The following GPR39 variants were observed in gnomAD, a reference collection of about 807,000 sequenced individuals.
GPR39 encodes G protein-coupled receptor 39.
GPR39 carries 23 observed loss-of-function variants against 18.4 expected under a neutral mutation model. The ratio of observed to expected loss-of-function variants is 1.25; its 90% CI spans 0.90 to 1.77. GPR39 has a LOEUF of 1.77. Among genes scored for constraint, GPR39 ranks in the 40% most tolerant of loss-of-function variants. The pLI, the probability that GPR39 is intolerant of heterozygous loss-of-function variation, is 0.00. For missense variants in GPR39, 647 were observed against 602.4 expected (o/e 1.07, Z -0.78); for synonymous variants, 280 against 257.9 (o/e 1.09, Z -0.82).
At chr2:132,599,614 A>G (rs1277797140) in intron 1 of GPR39, among the ~76,000 whole-genome samples, 1 of 152,198 alleles carries the variant, frequency 6.6e-6, no homozygotes, top group Non-Finnish European at 1.5e-5. Flanking sequence ...CTGATACTTC[A>G]TCACCAAAAT....
intron 1 of GPR39, among the ~76,000 whole-genome samples, chr2:132,626,427 C>G (rs1342063948): frequency 6.6e-6 from 1 of 152,194 alleles, no homozygotes; most frequent in African/African-American, 2.4e-5. Flanking sequence ...GGCTGCACTA[C>G]AGTGTCCTCT....
At chr2:132,522,758 A>T (rs1679447914) in intron 1 of GPR39, among the ~76,000 whole-genome samples, 1 of 152,224 alleles carries the variant, frequency 6.6e-6, no homozygotes. Context: ...CATCTGGGCC[A>T]GGAAGCAGAG....
chr2:132,557,740 G>A (rs761881718), intron 1 of GPR39, among the ~76,000 whole-genome samples: 2 of 152,032 alleles, frequency 1.3e-5, no homozygotes, highest in East Asian at 1.9e-4. Flanking sequence ...TAGGGTTGTC[G>A]GTTAACTTTA....
chr2:132,595,687 T>A (rs1277481957), intron 1 of GPR39, among the ~76,000 whole-genome samples: 1 of 152,186 alleles, frequency 6.6e-6, no homozygotes, highest in East Asian at 1.9e-4. Context: ...CAGAAGCATT[T>A]ACCCTTCATT....
At chr2:132,524,072 C>T (rs529998358) in intron 1 of GPR39, 6 of 152,762 alleles carry the variant, frequency 3.9e-5, no homozygotes, top group African/African-American at 1.4e-4. Context: ...TTAACCAGCA[C>T]TCTTGTTGAT....
chr2:132,463,924 A>C (rs925429731), intron 1 of GPR39, among the ~76,000 whole-genome samples: 3 of 152,134 alleles, frequency 2.0e-5, no homozygotes, highest in Non-Finnish European at 2.9e-5. Context: ...TGATGTCTTC[A>C]TCCTCTAGGA....
chr2:132,619,270 T>C (rs1255977342), intron 1 of GPR39, among the ~76,000 whole-genome samples: 5 of 152,166 alleles, frequency 3.3e-5, no homozygotes, highest in Admixed American at 2.6e-4. Context: ...TCACAGCAAT[T>C]TGAGGCACTG....
chr2:132,540,370 G>C (rs1558832730), intron 1 of GPR39, among the ~76,000 whole-genome samples: 1 of 152,100 alleles, frequency 6.6e-6, no homozygotes, highest in South Asian at 2.1e-4. Context: ...GAGAGCGACG[G>C]TCAGGAAGGA....
chr2:132,468,785 G>C, intron 1 of GPR39, among the ~76,000 whole-genome samples: 1 of 152,186 alleles, frequency 6.6e-6, no homozygotes, highest in East Asian at 1.9e-4. Flanking sequence ...CGTTATGAAG[G>C]CTGAAAGTAG....
chr2:132,552,921 C>T (rs868722968), intron 1 of GPR39, among the ~76,000 whole-genome samples: 61 of 109,508 alleles, frequency 5.6e-4, no homozygotes, highest in South Asian at 8.9e-4. Context: ...TATATATACA[C>T]ACACACACAC....
At chr2:132,446,500 T>C (rs1044494198) in intron 1 of GPR39, among the ~76,000 whole-genome samples, 1 of 152,212 alleles carries the variant, frequency 6.6e-6, no homozygotes, top group African/African-American at 2.4e-5. Flanking sequence ...GTGCTGGACA[T>C]GTAGGAGAGA....
chr2:132,598,991 C>G (rs1385506362), intron 1 of GPR39, among the ~76,000 whole-genome samples: 1 of 152,066 alleles, frequency 6.6e-6, no homozygotes, highest in African/African-American at 2.4e-5. Context: ...ACAACAAAAA[C>G]CATCAAGGTT....
At chr2:132,418,782 A>G (rs1390805120) in intron 1 of GPR39, among the ~76,000 whole-genome samples, 2 of 152,258 alleles carry the variant, frequency 1.3e-5, no homozygotes, top group African/African-American at 4.8e-5. Flanking sequence ...AATGTGTGTG[A>G]ACAAAGGGTT....
intron 1 of GPR39, among the ~76,000 whole-genome samples, chr2:132,552,893 T>TATATATATACACACAC (rs1197295393): frequency 1.0e-5 from 1 of 96,602 alleles, no homozygotes; most frequent in African/African-American, 5.6e-5. Flanking sequence ...TATACACACA[T>TATATATATACACACAC]ATATATATAC....
chr2:132,530,611 G>A (rs891718392), intron 1 of GPR39, among the ~76,000 whole-genome samples: 17 of 152,114 alleles, frequency 1.1e-4, no homozygotes, highest in Non-Finnish European at 2.1e-4. Flanking sequence ...GAGAAAGGTC[G>A]GGTTACCCAC....
intron 1 of GPR39, among the ~76,000 whole-genome samples, chr2:132,493,076 CATATATACCATAT>C (rs1681534298): frequency 1.4e-3 from 2 of 1,460 alleles, no homozygotes; most frequent in Non-Finnish European, 0.029. Context: ...ATATATACCA[CATATATACCATAT>C]ATATACACCA....
At chr2:132,559,094 G>A (rs1680203405) in intron 1 of GPR39, among the ~76,000 whole-genome samples, 1 of 152,180 alleles carries the variant, frequency 6.6e-6, no homozygotes, top group African/African-American at 2.4e-5. Context: ...TGGCGTTCAT[G>A]CTCGGAATCA....
At chr2:132,483,430 C>T (rs1681272427) in intron 1 of GPR39, among the ~76,000 whole-genome samples, 1 of 152,176 alleles carries the variant, frequency 6.6e-6, no homozygotes, top group Non-Finnish European at 1.5e-5. Flanking sequence ...GCTGGGCAGC[C>T]CTGTGTGTTG....
chr2:132,456,521 A>G (rs988388048), intron 1 of GPR39, among the ~76,000 whole-genome samples: 6 of 152,130 alleles, frequency 3.9e-5, no homozygotes, highest in African/African-American at 1.2e-4. Context: ...TCATGTCATT[A>G]TGATGTTTGC....
Sources: allele counts gnomAD v4.1 joint callset (sites outside exome capture counted in the v4.1 genomes callset), GRCh38; gene constraint gnomAD v4.1.1; transcripts MANE v1.5; gene names NCBI Gene and HGNC (gene_info 2026-07-23, HGNC 2026-07-21).